UST: variants seen among roughly 807,000 people sequenced by gnomAD.
The protein encoded by UST is chondroitin sulfate 2-O-sulfotransferase.
UST carries 21 observed loss-of-function variants against 45.6 expected under a neutral mutation model. That is an observed-to-expected ratio of 0.46 (90% CI 0.33 to 0.66). The LOEUF is 0.66. Ranked by LOEUF, UST falls within the 30% of genes least tolerant of loss-of-function variation. The pLI is 0.02. For missense variants in UST, 463 were observed against 512.4 expected, an observed-to-expected ratio of 0.90 and a Z score of 0.93; for synonymous variants, 215 against 200.6, an observed-to-expected ratio of 1.07 and a Z score of -0.61.
intron 5 of UST, among the ~76,000 whole-genome samples, chr6:148,997,189 A>G (rs1238833782): frequency 6.6e-6 from 1 of 152,250 alleles, no homozygotes; most frequent in African/African-American, 2.4e-5. Flanking sequence ...AAAATAGGGA[A>G]CATTCTATAA....
chr6:148,994,356 T>G (rs926385741), intron 5 of UST, among the ~76,000 whole-genome samples: 1 of 152,158 alleles, frequency 6.6e-6, no homozygotes, highest in Non-Finnish European at 1.5e-5. Context: ...TGGTTATAAA[T>G]TAATGAAAAA....
intron 1 of UST, among the ~76,000 whole-genome samples, chr6:148,840,083 T>A (rs1358973696): frequency 6.6e-6 from 1 of 152,132 alleles, no homozygotes; most frequent in East Asian, 1.9e-4. Context: ...ACAGAGGGTA[T>A]CTAATACAAG....
intron 1 of UST, among the ~76,000 whole-genome samples, chr6:148,855,694 T>G (rs1338472943): frequency 6.6e-6 from 1 of 152,184 alleles, no homozygotes; most frequent in Non-Finnish European, 1.5e-5. Flanking sequence ...AAATCTGCAT[T>G]TTTTCACCTG....
chr6:149,059,703 G>A (rs948448202), intron 7 of UST, among the ~76,000 whole-genome samples: 4 of 152,152 alleles, frequency 2.6e-5, no homozygotes, highest in Admixed American at 2.6e-4. Context: ...AAAGAATCCA[G>A]GCAAGAAAAT....
chr6:148,753,046 A>C (rs918695822), intron 1 of UST, among the ~76,000 whole-genome samples: 2 of 152,204 alleles, frequency 1.3e-5, no homozygotes, highest in African/African-American at 4.8e-5. Flanking sequence ...AAAAATTCTT[A>C]TTTGCAAAAG....
intron 1 of UST, among the ~76,000 whole-genome samples, chr6:148,861,295 A>T (rs549465012): frequency 6.6e-6 from 1 of 152,058 alleles, no homozygotes; most frequent in East Asian, 1.9e-4. Context: ...AGAGGTGTTT[A>T]TAGTATTCTC....
At chr6:149,036,979 G>T (rs1320576) in intron 7 of UST, among the ~76,000 whole-genome samples, 1 of 152,154 alleles carries the variant, frequency 6.6e-6, no homozygotes, top group Non-Finnish European at 1.5e-5. Context: ...CCATTTAAAG[G>T]TATCATTCCA....
At chr6:148,937,792 C>A (rs946937204) in intron 2 of UST, among the ~76,000 whole-genome samples, 3 of 152,156 alleles carry the variant, frequency 2.0e-5, no homozygotes, top group Non-Finnish European at 4.4e-5. Context: ...ATGCACCTAT[C>A]CCAATTGTTG....
chr6:148,915,413 G>C (rs911027510), intron 2 of UST, among the ~76,000 whole-genome samples: 2 of 151,980 alleles, frequency 1.3e-5, no homozygotes, highest in African/African-American at 4.8e-5. Flanking sequence ...TGCTTCTCTG[G>C]CTGGTAACAT....
At chr6:148,819,862 T>C (rs779911190) in intron 1 of UST, among the ~76,000 whole-genome samples, 1 of 152,132 alleles carries the variant, frequency 6.6e-6, no homozygotes, top group Admixed American at 6.5e-5. Context: ...GTAGCCTTAT[T>C]ATCTACACCT....
chr6:148,989,415 C>A (rs935699284), intron 5 of UST, among the ~76,000 whole-genome samples: 8 of 152,070 alleles, frequency 5.3e-5, no homozygotes, highest in Admixed American at 2.6e-4. Flanking sequence ...AGCATGTTAC[C>A]AACACTTATA....
chr6:148,869,532 A>G (rs916879047), intron 1 of UST, among the ~76,000 whole-genome samples: 1 of 152,218 alleles, frequency 6.6e-6, no homozygotes, highest in African/African-American at 2.4e-5. Flanking sequence ...AGAAGAAACT[A>G]TGATCCTTTC....
rs988541618 is a variant in UST at position 148,790,087 on chromosome 6, C to T, written c.247+42410C>T. On this transcript the variant is annotated intron_variant, in intron 1 of 7. Coordinates refer to ENST00000367463, the MANE Select transcript of UST (RefSeq NM_005715.3). The surrounding 1 kb of genome is among the most constrained non-coding windows in gnomAD (Gnocchi z 4.2). ...TTTCTTTCTCTGGGAATAATGCATT[C>T]GCATTGCTATCGTAGTTATCCTTGC... Among the ~76,000 whole-genome samples the T allele has an allele frequency of 2.0e-5, 3 of 147,408 alleles. No homozygotes were observed. Among genetic ancestry groups the T allele is most frequent in the Non-Finnish European group, 4.4e-5 (3 of 67,422 alleles).
intron 7 of UST, among the ~76,000 whole-genome samples, chr6:149,030,750 A>ATGTGTTATCTTAAGCCAG (rs1032318971): frequency 6.6e-6 from 1 of 151,310 alleles, no homozygotes; most frequent in East Asian, 1.9e-4. Flanking sequence ...CACACACAAG[A>ATGTGTTATCTTAAGCCAG]TGTGTTATCT....
intron 1 of UST, among the ~76,000 whole-genome samples, chr6:148,823,501 A>G (rs1283849098): frequency 6.6e-6 from 1 of 152,180 alleles, no homozygotes; most frequent in East Asian, 1.9e-4. Flanking sequence ...TGATAAGCAT[A>G]ATTTAGAGGA....
chr6:148,994,615 C>T (rs1781415512), intron 5 of UST, among the ~76,000 whole-genome samples: 1 of 152,120 alleles, frequency 6.6e-6, no homozygotes, highest in Non-Finnish European at 1.5e-5. Flanking sequence ...TTAAATTTGC[C>T]ACAAATAATC....
At chr6:148,853,751 T>G (rs1778150418) in intron 1 of UST, among the ~76,000 whole-genome samples, 1 of 152,220 alleles carries the variant, frequency 6.6e-6, no homozygotes, top group African/African-American at 2.4e-5. Flanking sequence ...GTTGGCCGCA[T>G]GTATGTCTTC....
At chr6:148,985,643 G>GA (rs1470337830) in intron 5 of UST, among the ~76,000 whole-genome samples, 4 of 152,146 alleles carry the variant, frequency 2.6e-5, no homozygotes, top group Non-Finnish European at 5.9e-5. Context: ...GAAAGATGTG[G>GA]AAAAAATGAA....
intron 1 of UST, among the ~76,000 whole-genome samples, chr6:148,807,808 T>C (rs1452502063): frequency 6.6e-6 from 1 of 152,202 alleles, no homozygotes; most frequent in Non-Finnish European, 1.5e-5. Flanking sequence ...AGAATCACCC[T>C]GGATGCTTGT....
Sources: gnomAD v4.1 joint callset for allele counts (sites outside exome capture counted in the v4.1 genomes callset) on GRCh38, gnomAD v4.1.1 for gene constraint, Gnocchi (gnomAD v3.1) non-coding constraint, MANE v1.5 for transcripts, NCBI Gene and HGNC (gene_info 2026-07-23, HGNC 2026-07-21) for gene names.